Variants in DENND4A observed in about 807,000 individuals in gnomAD.
DENND4A encodes the protein C-myc promoter-binding protein.
A neutral mutation model predicts 199.3 loss-of-function variants in DENND4A; 70 were observed. The observed-to-expected ratio is 0.35, with a 90% CI of 0.29 to 0.43. The LOEUF (loss-of-function observed/expected upper bound fraction) is 0.43. Among genes scored for constraint, DENND4A ranks in the 20% least tolerant of loss-of-function variants. The pLI, the probability that DENND4A is intolerant of heterozygous loss-of-function variation, is 1.00. For synonymous variants in DENND4A, 686 were observed against 766.9 expected (o/e 0.89, Z 1.74); for missense variants, 1,723 against 2,255.8 (o/e 0.76, Z 4.78).
At chr15:65,693,922 G>A (rs1567013484) in intron 22 of DENND4A, among the ~76,000 whole-genome samples, 1 of 151,924 alleles carries the variant, frequency 6.6e-6, no homozygotes. Flanking sequence ...GAATCTAAAA[G>A]ATATTTACTG....
chr15:65,766,657 G>A (rs990365687), intron 1 of DENND4A: 1 of 152,152 alleles, frequency 6.6e-6, no homozygotes, highest in East Asian at 1.9e-4. Context: ...CCAGCAGACA[G>A]TGAGGGATAC....
At chr15:65,735,545 G>C (rs964916313) in intron 7 of DENND4A, among the ~76,000 whole-genome samples, 2 of 152,140 alleles carry the variant, frequency 1.3e-5, no homozygotes, top group Non-Finnish European at 2.9e-5. Context: ...ACTAGTAGTT[G>C]CTATATTCTT....
chr15:65,669,939 CGAA>C lies in DENND4A; in HGVS notation c.4641-17_4641-15del. 1 of 1,610,540 alleles carries C rather than the reference CGAA, an allele frequency of 6.2e-7. No homozygotes were observed. The highest frequency in any genetic ancestry group is 1.1e-5 in the South Asian group (1 of 90,714). On this transcript the variant is annotated splice_polypyrimidine_tract_variant and intron_variant, in intron 26 of 32. Coordinates refer to ENST00000443035, the MANE Select transcript of DENND4A (RefSeq NM_001320835.1). ...TTTAGAAAGTATCTGTAATGTGAAT[CGAA>C]GGAACTTTTTGAGAAAAGAGATATT... is the stretch of plus-strand genomic sequence containing the variant.
intron 31 of DENND4A, 48 bp from the exon 32 acceptor site, chr15:65,664,442 T>C: frequency 2.0e-6 from 3 of 1,510,404 alleles, no homozygotes; most frequent in Non-Finnish European, 2.7e-6. Flanking sequence ...ATATAGTCCA[T>C]ATGTTCCCTA....
intron 4 of DENND4A, among the ~76,000 whole-genome samples, chr15:65,747,964 C>T (rs544324664): frequency 2.1e-5 from 3 of 143,566 alleles, no homozygotes; most frequent in Admixed American, 7.4e-5. Context: ...CACTTGAACC[C>T]GGGAGGTGGA....
At position 65,665,449 on chromosome 15, in the gene DENND4A, C is replaced by T; in HGVS notation, c.5255G>A (p.Cys1752Tyr). The T allele has an allele frequency of 1.9e-6, 3 of 1,612,058 alleles. No homozygotes were observed. The highest frequency in any genetic ancestry group is 2.2e-5 in the East Asian group (1 of 44,776). Residue 1752 changes from cysteine to tyrosine, a missense_variant, in exon 30 of 33, where the codon TGT (cysteine) becomes TAT (tyrosine). This residue lies in a region of DENND4A where 164 missense variants were observed against 280.1 expected (regional missense o/e 0.59). Coordinates refer to ENST00000443035, the MANE Select transcript of DENND4A (RefSeq NM_001320835.1). ...CNKYSKIPRH[C>Y]MSEDSKYVLI... Reference sequence around the variant, plus strand: ...AACATATTTGCTATCTTCAGACATACAGTGGCGGGGAATCTGTGTTATACA... The same window carrying T: ...AACATATTTGCTATCTTCAGACATATAGTGGCGGGGAATCTGTGTTATACA...
intron 20 of DENND4A, among the ~76,000 whole-genome samples, chr15:65,697,787 T>C (rs1206475720): frequency 6.6e-6 from 1 of 152,166 alleles, no homozygotes; most frequent in Non-Finnish European, 1.5e-5. Context: ...CATTCATACA[T>C]AGGTCACTAG....
chr15:65,755,489 G>C (rs757104608), intron 3 of DENND4A, among the ~76,000 whole-genome samples: 17 of 152,158 alleles, frequency 1.1e-4, no homozygotes, highest in Non-Finnish European at 2.2e-4. Context: ...AATGGGGCTG[G>C]GTGTGGTGGC....
chr15:65,697,135 C>T (rs906223133), intron 21 of DENND4A, 132 bp downstream of exon 21: 2 of 597,778 alleles, frequency 3.3e-6, no homozygotes, highest in Non-Finnish European at 5.8e-6. Context: ...GCTGAGAGGG[C>T]ACGTAATGGT....
chr15:65,784,688 A>G (rs2077521565), intron 1 of DENND4A, among the ~76,000 whole-genome samples: 1 of 152,184 alleles, frequency 6.6e-6, no homozygotes, highest in South Asian at 2.1e-4. Context: ...TTGATGAACC[A>G]TTTATAATAC....
intron 1 of DENND4A, chr15:65,766,684 T>C (rs977688925): frequency 2.0e-5 from 3 of 152,144 alleles, no homozygotes; most frequent in Admixed American, 1.3e-4. Flanking sequence ...CAGACATATA[T>C]AGGCACACAA....
chr15:65,757,237 T>C (rs2076727457), intron 2 of DENND4A, among the ~76,000 whole-genome samples: 1 of 135,372 alleles, frequency 7.4e-6, no homozygotes, highest in Admixed American at 7.3e-5. Flanking sequence ...GGCTTGTGTG[T>C]TTATTTTGTT....
intron 2 of DENND4A, among the ~76,000 whole-genome samples, chr15:65,758,202 G>T (rs1414676923): frequency 1.3e-5 from 2 of 152,192 alleles, no homozygotes; most frequent in Non-Finnish European, 2.9e-5. Context: ...GTAGGTAAGA[G>T]AGTGTAACAG....
chr15:65,676,728 C>T, intron 23 of DENND4A, 94 bp from the exon 24 acceptor site: 1 of 949,088 alleles, frequency 1.1e-6, no homozygotes, highest in Non-Finnish European at 1.5e-6. Flanking sequence ...TATCACCTAA[C>T]TACCCAGATG....
At chr15:65,732,917 G>T in intron 7 of DENND4A, 99 bp from the exon 8 acceptor site, 1 of 668,108 alleles carries the variant, frequency 1.5e-6, no homozygotes, top group Non-Finnish European at 2.6e-6. Flanking sequence ...AAAGCCCTGT[G>T]TCCCTATTAT....
intron 11 of DENND4A, among the ~76,000 whole-genome samples, chr15:65,726,584 A>G (rs192873316): frequency 3.9e-5 from 6 of 152,294 alleles, no homozygotes; most frequent in African/African-American, 1.4e-4. Flanking sequence ...ATGCTTTATA[A>G]CAGAATACTC....
intron 1 of DENND4A, among the ~76,000 whole-genome samples, chr15:65,768,532 A>G (rs1405505488): frequency 6.6e-6 from 1 of 152,074 alleles, no homozygotes; most frequent in East Asian, 1.9e-4. Flanking sequence ...GTTTTTTTCT[A>G]TTTCTGAACT....
intron 20 of DENND4A, among the ~76,000 whole-genome samples, chr15:65,699,191 T>A (rs1457821178): frequency 6.6e-6 from 1 of 152,192 alleles, no homozygotes; most frequent in African/African-American, 2.4e-5. Flanking sequence ...ATATTACATT[T>A]CAACAAAATG....
intron 1 of DENND4A, chr15:65,771,467 C>T (rs1001068597): frequency 4.2e-5 from 68 of 1,608,644 alleles, no homozygotes; most frequent in Non-Finnish European, 5.4e-5. Context: ...TTGCCCTGTT[C>T]CAGATCTGGG....
Sources: gnomAD v4.1 joint callset for allele counts (sites outside exome capture counted in the v4.1 genomes callset) on GRCh38, gnomAD v4.1.1 for gene constraint, gnomAD v4.1.1 regional missense constraint, MANE v1.5 for transcripts, NCBI Gene and HGNC (gene_info 2026-07-23, HGNC 2026-07-21) for gene names.